TYW1B: variants seen among roughly 807,000 people sequenced by gnomAD.
TYW1B encodes S-adenosyl-L-methionine-dependent tRNA 4-demethylwyosine synthase TYW1B.
Under a neutral mutation model 86.9 loss-of-function variants are expected in TYW1B, and 73 were observed. The ratio of observed to expected loss-of-function variants is 0.84; its 90% CI spans 0.70 to 1.02. TYW1B has a LOEUF of 1.02. Ranked by LOEUF, TYW1B falls within the 50% of genes least tolerant of loss-of-function variation. TYW1B has a pLI of 0.00. For missense variants in TYW1B, 637 were observed against 827.4 expected, an observed-to-expected ratio of 0.77 and a Z score of 2.82; for synonymous variants, 248 against 292.8, an observed-to-expected ratio of 0.85 and a Z score of 1.56.
intron 8 of TYW1B, 133 bp from the exon 9 acceptor site, chr7:72,729,064 T>C: frequency 1.4e-6 from 1 of 728,194 alleles, no homozygotes. Context: ...CAACCACGTA[T>C]AGTGGTATTT....
At position 72,805,259 on chromosome 7, in the gene TYW1B, G is replaced by A. The variant is rs888549678; in HGVS notation, c.723+1807C>T. ...GGGTGGCTGCCTGAATGATCTACCC[G>A]CCTCAGCCTCCCAAAGTGCTGGGAT... On this transcript the variant is annotated intron_variant, in intron 5 of 13. Coordinates refer to ENST00000620995, the MANE Select transcript of TYW1B (RefSeq NM_001145440.3). Among the ~76,000 whole-genome samples the A allele has an allele frequency of 8.9e-5, 5 of 56,474 alleles. 1 individual carries two copies. The South Asian group carries it at 2.8e-3, about 32-fold the overall frequency. 37.0% of individuals were successfully genotyped at this position (56,474 alleles called of 152,430 possible). A position where few individuals can be genotyped will look rare whatever the true frequency, so the allele number is the denominator to read the frequency against.
intron 8 of TYW1B, among the ~76,000 whole-genome samples, 169 bp from the exon 9 acceptor site, chr7:72,729,100 C>A (rs1338315339): frequency 1.3e-5 from 2 of 152,142 alleles, no homozygotes; most frequent in Non-Finnish European, 2.9e-5. Flanking sequence ...ATCGTGACAC[C>A]CAACAGAGAG....
At chr7:72,697,924 T>G (rs1332063492) in intron 10 of TYW1B, 1 of 153,632 alleles carries the variant, frequency 6.5e-6, no homozygotes, top group Non-Finnish European at 1.5e-5. Flanking sequence ...TTATCAGGCC[T>G]CTTTCTACCT....
chr7:72,753,928 T>C (rs2129571533), intron 7 of TYW1B, among the ~76,000 whole-genome samples: 1 of 152,292 alleles, frequency 6.6e-6, no homozygotes, highest in African/African-American at 2.4e-5. Flanking sequence ...CCAAAACATT[T>C]GTGTGGCTCA....
chr7:72,707,230 C>T (rs565292252), intron 10 of TYW1B, among the ~76,000 whole-genome samples: 4 of 152,356 alleles, frequency 2.6e-5, no homozygotes, highest in South Asian at 2.1e-4. Context: ...GAAAGATGCT[C>T]GCGCATTGGG....
chr7:72,716,903 A>G (rs1358364653), intron 9 of TYW1B, among the ~76,000 whole-genome samples: 1 of 145,500 alleles, frequency 6.9e-6, no homozygotes, highest in Non-Finnish European at 1.5e-5. Context: ...GTGAGCCACC[A>G]TGCCCAGCCA....
chr7:72,605,820 A>G (rs1811781678), intron 13 of TYW1B, among the ~76,000 whole-genome samples: 1 of 152,176 alleles, frequency 6.6e-6, no homozygotes, highest in African/African-American at 2.4e-5. Flanking sequence ...ACTGGACAAC[A>G]CCTTTCAATT....
intron 7 of TYW1B, among the ~76,000 whole-genome samples, chr7:72,770,993 A>C: frequency 2.5e-5 from 3 of 121,502 alleles, no homozygotes; most frequent in South Asian, 2.4e-4. Flanking sequence ...ATGGAGTCTC[A>C]CTCTTATCAC....
chr7:72,630,356 T>C (rs1310766391), intron 11 of TYW1B, among the ~76,000 whole-genome samples: 1 of 152,146 alleles, frequency 6.6e-6, no homozygotes, highest in Non-Finnish European at 1.5e-5. Context: ...GACCTGTGAC[T>C]TGCCTATAAC....
chr7:72,759,947 TC>T (rs1787659322), intron 7 of TYW1B, among the ~76,000 whole-genome samples: 2 of 152,058 alleles, frequency 1.3e-5, no homozygotes, highest in African/African-American at 4.8e-5. Context: ...GACACTCAAG[TC>T]AAACAGGTCA....
At chr7:72,639,097 G>C (rs1554441165) in intron 11 of TYW1B, among the ~76,000 whole-genome samples, 2 of 152,006 alleles carry the variant, frequency 1.3e-5, no homozygotes, top group Non-Finnish European at 2.9e-5. Context: ...ATCTTGTTTA[G>C]ATATTACTCT....
At chr7:72,631,768 C>G (rs538869619) in intron 11 of TYW1B, among the ~76,000 whole-genome samples, 110 of 152,018 alleles carry the variant, frequency 7.2e-4, no homozygotes, top group African/African-American at 2.5e-3. Flanking sequence ...AAACAGCTTT[C>G]CAAGGATACA....
intron 11 of TYW1B, among the ~76,000 whole-genome samples, chr7:72,654,178 T>A (rs1245201174): frequency 6.6e-6 from 1 of 151,354 alleles, no homozygotes; most frequent in East Asian, 1.9e-4. Flanking sequence ...CTACAGCTAA[T>A]AGCAAACTTA....
chr7:72,717,808 C>A (rs1245863736), intron 9 of TYW1B, among the ~76,000 whole-genome samples: 1 of 152,160 alleles, frequency 6.6e-6, no homozygotes, highest in Non-Finnish European at 1.5e-5. Flanking sequence ...GGGATATCAT[C>A]TCATACTAGT....
At chr7:72,806,532 C>T (rs1353654691) in intron 5 of TYW1B, among the ~76,000 whole-genome samples, 14 of 151,818 alleles carry the variant, frequency 9.2e-5, no homozygotes, top group African/African-American at 3.1e-4. Context: ...CCACCGTGCC[C>T]GGCCTAAAGA....
chr7:72,763,314 C>T (rs1301918000), intron 7 of TYW1B, among the ~76,000 whole-genome samples: 1 of 122,124 alleles, frequency 8.2e-6, no homozygotes, highest in Non-Finnish European at 1.6e-5. Flanking sequence ...TGGAGTCTTG[C>T]TCTTGTCACC....
At chr7:72,582,228 T>C (rs554119736) in intron 13 of TYW1B, among the ~76,000 whole-genome samples, 4 of 151,968 alleles carry the variant, frequency 2.6e-5, no homozygotes, top group Non-Finnish European at 2.9e-5. Flanking sequence ...GTGAAGGACA[T>C]GAGTTTCCAC....
chr7:72,579,490 T>G (rs2129567551), intron 13 of TYW1B, among the ~76,000 whole-genome samples: 1 of 152,318 alleles, frequency 6.6e-6, no homozygotes, highest in South Asian at 2.1e-4. Context: ...TTTCTCACAG[T>G]TCTGGAGGCT....
At position 72,627,512 on chromosome 7, in the gene TYW1B, TAAATA is replaced by T. The variant is rs57361877; in HGVS notation, c.1617+1370_1617+1374del. Among the ~76,000 whole-genome samples the T allele has an allele frequency of 9.4e-3, 1,343 of 142,972 alleles. 10 individuals are homozygous for T. Among genetic ancestry groups the T allele is most frequent in the African/African-American group, 0.034 (1,283 of 37,746 alleles). The allele number at this position is 142,972 out of a possible 152,430, so 93.8% of individuals were successfully genotyped here. A position where few individuals can be genotyped will look rare whatever the true frequency, so the allele number is the denominator to read the frequency against. ...TAACATAACATAACATAACATAACATAAATAAAATAAAATAAAATAAAATGTCATC... is the reference window on the plus strand; with the variant it reads ...TAACATAACATAACATAACATAACATAAATAAAATAAAATAAAATGTCATC... On this transcript the variant is annotated intron_variant, in intron 12 of 13. Coordinates refer to ENST00000620995, the MANE Select transcript of TYW1B (RefSeq NM_001145440.3).
Sources: allele counts gnomAD v4.1 joint callset (sites outside exome capture counted in the v4.1 genomes callset), GRCh38; gene constraint gnomAD v4.1.1; transcripts MANE v1.5; gene names NCBI Gene and HGNC (gene_info 2026-07-23, HGNC 2026-07-21).